The following ZNF407 variants were observed in gnomAD, a reference collection of about 807,000 sequenced individuals.
ZNF407 encodes the protein zinc finger protein 407.
ZNF407 carries 17 observed loss-of-function variants against 131.2 expected under a neutral mutation model. The observed-to-expected ratio is 0.13, with a 90% confidence interval of 0.09 to 0.19. The LOEUF is 0.19. Ranked by LOEUF, ZNF407 falls within the 10% of genes least tolerant of loss-of-function variation. The pLI, the probability that ZNF407 is intolerant of heterozygous loss-of-function variation, is 1.00. For missense variants in ZNF407, 2,681 were observed against 2,830.6 expected (o/e 0.95, Z 1.20); for synonymous variants, 1,156 against 1,062.0 (o/e 1.09, Z -1.72).
At chr18:75,051,748 T>A (rs563524418) in intron 8 of ZNF407, among the ~76,000 whole-genome samples, 1 of 152,332 alleles carries the variant, frequency 6.6e-6, no homozygotes, top group African/African-American at 2.4e-5. Context: ...GTGTCGGGAC[T>A]TATTCCAGCC....
intron 8 of ZNF407, among the ~76,000 whole-genome samples, chr18:74,980,599 AC>A (rs1410472541): frequency 7.2e-5 from 11 of 151,980 alleles, no homozygotes; most frequent in Admixed American, 2.6e-4. Flanking sequence ...GAGCCACCCC[AC>A]CCAGCCAATT....
intron 4 of ZNF407, among the ~76,000 whole-genome samples, chr18:74,860,797 G>T (rs1020191558): frequency 1.3e-5 from 2 of 151,956 alleles, no homozygotes; most frequent in East Asian, 3.8e-4. Flanking sequence ...TAAGTCATTG[G>T]CATTTCATTC....
At position 74,762,223 on chromosome 18, in the gene ZNF407, A is replaced by G. The variant is rs1969111681; in HGVS notation, c.4803-19205A>G. 2.0e-5 allele frequency among the ~76,000 whole-genome samples: 3 copies of G among 152,110 alleles called. No homozygotes were observed. The South Asian group carries it at 6.2e-4, about 31-fold the overall frequency. On this transcript the variant is annotated intron_variant, in intron 3 of 8. Coordinates refer to ENST00000299687, the MANE Select transcript of ZNF407 (RefSeq NM_017757.3). ...TCTGTACATGCCAAGTCAGGGGTTG[A>G]CTTCTCAGTTACTTTGGAACTCTAT...
chr18:74,700,914 T>A (rs1967477521), intron 3 of ZNF407, among the ~76,000 whole-genome samples: 1 of 152,142 alleles, frequency 6.6e-6, no homozygotes, highest in African/African-American at 2.4e-5. Context: ...CTGGACTGAA[T>A]TGTGTCCCTG....
intron 4 of ZNF407, among the ~76,000 whole-genome samples, chr18:74,823,267 G>A (rs1319957453): frequency 6.6e-6 from 1 of 152,194 alleles, no homozygotes; most frequent in Non-Finnish European, 1.5e-5. Context: ...ATAGGAAATT[G>A]TAAAGACTGT....
chr18:74,740,123 C>T (rs368425262), intron 3 of ZNF407, among the ~76,000 whole-genome samples: 7 of 152,100 alleles, frequency 4.6e-5, no homozygotes, highest in African/African-American at 9.7e-5. Context: ...GAAATCCAGA[C>T]GACCTCAGGT....
intron 7 of ZNF407, among the ~76,000 whole-genome samples, chr18:74,890,496 C>A (rs1242311137): frequency 1.3e-5 from 2 of 152,172 alleles, no homozygotes; most frequent in East Asian, 3.8e-4. Flanking sequence ...ACATTCTTTT[C>A]CATTTTCTAT....
At chr18:74,818,418 T>C (rs779616318) in intron 4 of ZNF407, among the ~76,000 whole-genome samples, 3 of 152,378 alleles carry the variant, frequency 2.0e-5, no homozygotes, top group Middle Eastern at 3.4e-3. Flanking sequence ...CTTCAGACAT[T>C]GTAGTATTTG....
At chr18:74,801,273 A>G (rs886718411) in intron 4 of ZNF407, among the ~76,000 whole-genome samples, 2 of 152,222 alleles carry the variant, frequency 1.3e-5, no homozygotes, top group African/African-American at 4.8e-5. Context: ...TTGTCAAGGT[A>G]TATGAGATTA....
intron 4 of ZNF407, among the ~76,000 whole-genome samples, chr18:74,851,810 G>A (rs1198636178): frequency 6.6e-6 from 1 of 152,160 alleles, no homozygotes; most frequent in Non-Finnish European, 1.5e-5. Flanking sequence ...AGAACAAAAC[G>A]ATGCAAAGTG....
intron 7 of ZNF407, among the ~76,000 whole-genome samples, chr18:74,892,905 C>T (rs966611202): frequency 6.6e-6 from 1 of 152,094 alleles, no homozygotes; most frequent in African/African-American, 2.4e-5. Context: ...AATGGCATTT[C>T]TAGAAGCACG....
rs549987102 is a variant in ZNF407 at position 74,821,191 on chromosome 18, C to CT, written c.4877+39693dup. Among the ~76,000 whole-genome samples, 16 of 151,798 alleles carry CT rather than the reference C, an allele frequency of 1.1e-4. 1 individual carries two copies. The South Asian group carries it at 3.4e-3, about 32-fold the overall frequency. On this transcript the variant is annotated intron_variant, in intron 4 of 8. Coordinates refer to ENST00000299687, the MANE Select transcript of ZNF407 (RefSeq NM_017757.3). ...AAAATAATGCCAAAAACCGCAGTTA[C>CT]TTTTGCACCAACCTAGTATTTTGCA...
At chr18:74,988,754 A>G (rs911982640) in intron 8 of ZNF407, among the ~76,000 whole-genome samples, 1 of 152,194 alleles carries the variant, frequency 6.6e-6, no homozygotes, top group Non-Finnish European at 1.5e-5. Flanking sequence ...GGACAATACA[A>G]TTAAAGCCAC....
At chr18:74,926,053 C>A (rs552003657) in intron 8 of ZNF407, among the ~76,000 whole-genome samples, 1 of 152,312 alleles carries the variant, frequency 6.6e-6, no homozygotes, top group African/African-American at 2.4e-5. Context: ...CAATTTGATT[C>A]TTTAACCTCA....
chr18:74,904,997 G>A (rs1971576597), intron 7 of ZNF407, among the ~76,000 whole-genome samples: 2 of 152,276 alleles, frequency 1.3e-5, no homozygotes, highest in African/African-American at 2.4e-5. Flanking sequence ...AAGTGGACAC[G>A]GTGGGTTTTC....
intron 3 of ZNF407, among the ~76,000 whole-genome samples, chr18:74,683,789 A>G (rs1003996939): frequency 6.6e-6 from 1 of 152,228 alleles, no homozygotes; most frequent in Admixed American, 6.5e-5. Flanking sequence ...GACCTCTTGT[A>G]AAAAGAATCA....
chr18:74,627,860 C>CCCAG (rs1983869103), intron 1 of ZNF407, among the ~76,000 whole-genome samples: 1 of 147,204 alleles, frequency 6.8e-6, no homozygotes, highest in Non-Finnish European at 1.5e-5. Context: ...CGCCCCGCCC[C>CCCAG]GCCCCTTTTC....
chr18:74,636,898 C>A (rs991701659), intron 2 of ZNF407, among the ~76,000 whole-genome samples: 10 of 152,200 alleles, frequency 6.6e-5, no homozygotes, highest in Non-Finnish European at 1.0e-4. Context: ...AGCTTTCTTT[C>A]TGAAACGATA....
chr18:74,793,418 C>T (rs896428133), intron 4 of ZNF407, among the ~76,000 whole-genome samples: 1 of 151,804 alleles, frequency 6.6e-6, no homozygotes, highest in Non-Finnish European at 1.5e-5. Flanking sequence ...ATTTCTCCCA[C>T]ATTCATAAGA....
Sources: allele counts gnomAD v4.1 joint callset (sites outside exome capture counted in the v4.1 genomes callset), GRCh38; gene constraint gnomAD v4.1.1; transcripts MANE v1.5; gene names NCBI Gene and HGNC (gene_info 2026-07-23, HGNC 2026-07-21).